Variants in DNAH17 observed in about 807,000 individuals in gnomAD.
The protein encoded by DNAH17 is axonemal beta dynein heavy chain 17.
Under a neutral mutation model 485.6 loss-of-function variants are expected in DNAH17, and 376 were observed. The observed-to-expected ratio is 0.77, with a 90% CI of 0.71 to 0.84. The LOEUF is 0.84. DNAH17 is among the 40% of genes least tolerant of loss of function. The pLI, the probability that DNAH17 is intolerant of heterozygous loss-of-function variation, is 0.00. For missense variants in DNAH17, 6,370 were observed against 5,839.3 expected (o/e 1.09, Z -2.96); for synonymous variants, 3,031 against 2,405.9 (o/e 1.26, Z -7.60).
intron 16 of DNAH17, among the ~76,000 whole-genome samples, chr17:78,547,826 C>T (rs1199703288): frequency 6.6e-6 from 1 of 152,048 alleles, no homozygotes; most frequent in African/African-American, 2.4e-5. Context: ...CCATGTGGGC[C>T]AGGCTGGTCT....
intron 31 of DNAH17, 120 bp from the exon 32 acceptor site, chr17:78,503,131 C>A: frequency 3.0e-6 from 3 of 1,015,828 alleles, no homozygotes; most frequent in Non-Finnish European, 4.0e-6. Context: ...CAGGGGCAGA[C>A]AGGTCAAGGA....
chr17:78,503,017 G>T lies in DNAH17; in HGVS notation c.4957-6C>A, dbSNP rs763636090. ...CGATTCAGCCACACTTCCACCTGGG[G>T]ACGGGAGCCACGGTGACCAATACAG... On this transcript the variant is annotated splice_region_variant and splice_polypyrimidine_tract_variant and intron_variant, in intron 31 of 80. Coordinates refer to ENST00000389840, the MANE Select transcript of DNAH17 (RefSeq NM_173628.4). 1.2e-6 allele frequency: 2 copies of T among 1,612,984 alleles called. No homozygotes were observed. Among genetic ancestry groups the T allele is most frequent in the African/African-American group, 1.3e-5 (1 of 75,018 alleles).
At chr17:78,541,716 G>A (rs1039182111) in intron 17 of DNAH17, among the ~76,000 whole-genome samples, 1 of 152,046 alleles carries the variant, frequency 6.6e-6, no homozygotes, top group Non-Finnish European at 1.5e-5. Flanking sequence ...CCTCAGCCCA[G>A]TCCTGCCTCC....
intron 73 of DNAH17, among the ~76,000 whole-genome samples, chr17:78,438,429 A>AGGAGGAGGAGGG (rs2086928533): frequency 2.0e-4 from 1 of 4,968 alleles, no homozygotes; most frequent in Non-Finnish European, 3.8e-4. Flanking sequence ...GAGGAGAAGG[A>AGGAGGAGGAGGG]GGAGGAGGAG....
intron 39 of DNAH17, 47 bp from the exon 40 acceptor site, chr17:78,494,867 T>C (rs961876638): frequency 6.4e-7 from 1 of 1,572,672 alleles, no homozygotes; most frequent in Admixed American, 1.8e-5. Flanking sequence ...CACCTTCCTG[T>C]GGCCAGCAGG....
chr17:78,453,323 C>T lies in DNAH17; in HGVS notation c.10529+20G>A, dbSNP rs377679828. The T allele has an allele frequency of 1.8e-5, 29 of 1,611,002 alleles. No individual in the cohort carries two copies. In the African/African-American group the frequency reaches 2.7e-4, roughly 15 times the overall value. ...GAAGATGTTTACCTGGCTCAAGCCA[C>T]GGAGGCGGAAACAACTCACTTTCCC... On this transcript the variant is annotated intron_variant, in intron 65 of 80. Transcript: ENST00000389840.
chr17:78,571,508 G>A, intron 4 of DNAH17, 82 bp downstream of exon 4: 1 of 1,542,524 alleles, frequency 6.5e-7, no homozygotes, highest in South Asian at 1.1e-5. Flanking sequence ...CTCCTGGGAG[G>A]TTGGCACTGG....
intron 75 of DNAH17, among the ~76,000 whole-genome samples, chr17:78,433,394 CT>C: frequency 6.6e-6 from 1 of 152,366 alleles, no homozygotes; most frequent in African/African-American, 2.4e-5. Flanking sequence ...GGTCCCAAAC[CT>C]GTGCCCTCTG....
rs1384563008 is a variant in DNAH17, at chr17:78,562,000, G to A, written c.1570-20C>T. ...CAGGAGCTGAGGACAAAGGAGAAGG[G>A]GGCCTCTTCACCACAGTCTCCTCCC... On this transcript the variant is annotated intron_variant, in intron 11 of 80. Coordinates refer to ENST00000389840, the MANE Select transcript of DNAH17 (RefSeq NM_173628.4). 6 of 1,553,614 alleles carry A rather than the reference G, an allele frequency of 3.9e-6. No individual in the cohort carries two copies. The highest frequency in any genetic ancestry group is 5.2e-6 in the Non-Finnish European group (6 of 1,151,220).
intron 1 of DNAH17, among the ~76,000 whole-genome samples, chr17:78,575,362 G>A (rs576855537): frequency 7.9e-5 from 12 of 152,330 alleles, no homozygotes; most frequent in African/African-American, 2.9e-4. Flanking sequence ...GGATGGGAAA[G>A]ATAGAGATGA....
intron 48 of DNAH17, among the ~76,000 whole-genome samples, chr17:78,484,083 G>A (rs1419112109): frequency 9.1e-5 from 10 of 110,224 alleles, no homozygotes; most frequent in East Asian, 2.8e-4. Flanking sequence ...GAGACAGAGC[G>A]AGATTTCTCC....
chr17:78,568,143 T>A (rs1018978597), intron 9 of DNAH17, among the ~76,000 whole-genome samples: 1 of 152,112 alleles, frequency 6.6e-6, no homozygotes, highest in East Asian at 1.9e-4. Context: ...AGCAAAGCCA[T>A]TTCCTCCACC....
At chr17:78,463,351 T>TAC (rs778762982) in intron 56 of DNAH17, among the ~76,000 whole-genome samples, 9 of 152,274 alleles carry the variant, frequency 5.9e-5, no homozygotes, top group Middle Eastern at 3.4e-3. Context: ...CACACATGCA[T>TAC]ACACACACAC....
chr17:78,460,818 G>A (rs60850844), intron 58 of DNAH17, among the ~76,000 whole-genome samples: 8,993 of 152,162 alleles, frequency 0.059, 377 homozygotes, highest in South Asian at 0.16. Flanking sequence ...AAAATGGAAC[G>A]TCTCAGAGTG....
At chr17:78,484,775 G>T in intron 48 of DNAH17, 93 bp downstream of exon 48, 1 of 385,032 alleles carries the variant, frequency 2.6e-6, no homozygotes, top group Non-Finnish European at 3.4e-6. Flanking sequence ...CTGCCCTACT[G>T]CCCTGGGGCT....
intron 54 of DNAH17, among the ~76,000 whole-genome samples, chr17:78,474,667 C>T (rs1336835501): frequency 6.7e-6 from 1 of 148,330 alleles, no homozygotes; most frequent in African/African-American, 2.5e-5. Context: ...TTGACAGACA[C>T]ACTCTTCACC....
At chr17:78,474,528 A>C (rs1048921501) in intron 54 of DNAH17, among the ~76,000 whole-genome samples, 8 of 152,260 alleles carry the variant, frequency 5.3e-5, no homozygotes, top group Non-Finnish European at 8.8e-5. Context: ...ACACCCAGTC[A>C]TGGCTCTGAA....
Position 78,507,351 on chromosome 17 carries a change from C to A in DNAH17, c.4603G>T (p.Val1535Leu). Residue 1535 changes from valine (V) to leucine (L), a missense_variant, in exon 29 of 81, where the codon GTG (valine) becomes TTG (leucine). Val to Leu is a conservative substitution (Grantham distance 32, BLOSUM62 1). Coordinates refer to ENST00000389840, the MANE Select transcript of DNAH17 (RefSeq NM_173628.4). ...QEFKALMEDA[V>L]KTPNVVEATS... is the part of the protein sequence containing the mutation. The stretch of plus-strand genomic sequence containing the variant: ...GCTTCCACCACGTTGGGTGTTTTCA[C>A]TGCATCTTCCATCAAGGCCTGGGAA... 1 of 1,614,032 alleles carries A rather than the reference C, an allele frequency of 6.2e-7. No homozygotes were observed. The highest frequency in any genetic ancestry group is 8.5e-7 in the Non-Finnish European group (1 of 1,179,898).
At chr17:78,491,245 C>T (rs1382017144) in intron 43 of DNAH17, among the ~76,000 whole-genome samples, 198 bp downstream of exon 43, 5 of 152,350 alleles carry the variant, frequency 3.3e-5, no homozygotes, top group East Asian at 3.9e-4. Context: ...TAAGGTGAGG[C>T]GCATGCAAAA....
Sources: gnomAD v4.1 joint callset for allele counts (sites outside exome capture counted in the v4.1 genomes callset) on GRCh38, gnomAD v4.1.1 for gene constraint, MANE v1.5 for transcripts, NCBI Gene and HGNC (gene_info 2026-07-23, HGNC 2026-07-21) for gene names.